The following ALG9 variants were observed in gnomAD, a reference collection of about 807,000 sequenced individuals.
The protein encoded by ALG9 is ALG9 alpha-1,2-mannosyltransferase.
A neutral mutation model predicts 81.8 loss-of-function variants in ALG9; 55 were observed. The observed-to-expected ratio is 0.67, with a 90% CI of 0.54 to 0.84. The LOEUF (loss-of-function observed/expected upper bound fraction) is 0.84, where lower values mean the gene tolerates loss of function less well. ALG9 is among the 40% of genes least tolerant of loss of function. ALG9 has a pLI of 0.00. For synonymous variants in ALG9, 278 were observed against 274.3 expected (o/e 1.01, Z -0.13); for missense variants, 629 against 745.0 (o/e 0.84, Z 1.81).
chr11:111,845,975 A>G (rs77035895), intron 8 of ALG9, among the ~76,000 whole-genome samples: 6,389 of 152,278 alleles, frequency 0.042, 427 homozygotes, highest in African/African-American at 0.14. Flanking sequence ...TCTCAATACA[A>G]TGATAGAGAA....
chr11:111,799,007 A>T (rs569824769), intron 14 of ALG9, among the ~76,000 whole-genome samples: 1 of 152,360 alleles, frequency 6.6e-6, no homozygotes, highest in South Asian at 2.1e-4. Context: ...GATGTTGCTT[A>T]TCTTGCAACA....
At chr11:111,813,912 T>C (rs1347999158) in intron 13 of ALG9, among the ~76,000 whole-genome samples, 4 of 152,240 alleles carry the variant, frequency 2.6e-5, no homozygotes, top group African/African-American at 9.6e-5. Context: ...CTACTAAAAT[T>C]GAACATATGT....
At chr11:111,861,270 TTCAC>T (rs1312727388) in intron 4 of ALG9, among the ~76,000 whole-genome samples, 4 of 152,354 alleles carry the variant, frequency 2.6e-5, no homozygotes, top group South Asian at 2.1e-4. Flanking sequence ...TTATTACTGC[TTCAC>T]TCAGTCAATG....
chr11:111,807,764 C>A (rs893428905), intron 14 of ALG9, among the ~76,000 whole-genome samples: 1 of 152,106 alleles, frequency 6.6e-6, no homozygotes, highest in Non-Finnish European at 1.5e-5. Context: ...GCACTCCAGA[C>A]TGGGAGAAAG....
chr11:111,839,709 A>G (rs1416162386), intron 10 of ALG9, among the ~76,000 whole-genome samples: 13 of 152,004 alleles, frequency 8.6e-5, no homozygotes, highest in African/African-American at 3.1e-4. Context: ...GGTTAATGTG[A>G]CTAATTTTTC....
chr11:111,772,862 C>G, the ALG9 span, among the ~76,000 whole-genome samples: 1 of 152,074 alleles, frequency 6.6e-6, no homozygotes, highest in Non-Finnish European at 1.5e-5. Context: ...TAAAATAGAG[C>G]TTTTACCTCT....
chr11:111,862,150 T>C (rs1226148518), intron 4 of ALG9, among the ~76,000 whole-genome samples: 2 of 152,186 alleles, frequency 1.3e-5, no homozygotes, highest in Non-Finnish European at 2.9e-5. Context: ...ACCCCGAATA[T>C]TGCCTCTCCG....
chr11:111,821,913 T>C (rs1392256866), intron 13 of ALG9, among the ~76,000 whole-genome samples: 2 of 152,052 alleles, frequency 1.3e-5, no homozygotes, highest in African/African-American at 4.8e-5. Context: ...GGATTACAGG[T>C]GTGAGCCACC....
intron 13 of ALG9, among the ~76,000 whole-genome samples, chr11:111,822,716 A>G (rs897957319): frequency 5.9e-5 from 9 of 151,854 alleles, no homozygotes; most frequent in African/African-American, 2.2e-4. Context: ...GTCTCAAAAA[A>G]CAAAATAAAC....
chr11:111,870,104 T>C, intron 2 of ALG9, 128 bp downstream of exon 2: 2 of 1,181,846 alleles, frequency 1.7e-6, no homozygotes, highest in Non-Finnish European at 2.2e-6. Context: ...GTTTTTTTGT[T>C]TTTTTTTTTA....
intron 10 of ALG9, among the ~76,000 whole-genome samples, chr11:111,840,209 C>T (rs1458568570): frequency 6.6e-6 from 1 of 152,144 alleles, no homozygotes; most frequent in Non-Finnish European, 1.5e-5. Context: ...GCCGTAAGTA[C>T]AGAGATATTC....
intron 5 of ALG9, among the ~76,000 whole-genome samples, chr11:111,858,163 T>C (rs1242874346): frequency 6.6e-6 from 1 of 152,074 alleles, no homozygotes; most frequent in African/African-American, 2.4e-5. Context: ...TCTCGAGCTC[T>C]TGACCTCGTG....
At chr11:111,864,291 TG>T in intron 4 of ALG9, 1 of 1,121,712 alleles carries the variant, frequency 8.9e-7, no homozygotes, top group Non-Finnish European at 1.4e-6. Context: ...ATGAAGAAAG[TG>T]GTTCAACAGC....
At chr11:111,832,907 C>T (rs1555114334) in intron 13 of ALG9, among the ~76,000 whole-genome samples, 1 of 152,118 alleles carries the variant, frequency 6.6e-6, no homozygotes, top group African/African-American at 2.4e-5. Flanking sequence ...TGATGCATGC[C>T]TGTAGTCCTA....
At chr11:111,817,877 A>G (rs1592026598) in intron 13 of ALG9, among the ~76,000 whole-genome samples, 1 of 151,296 alleles carries the variant, frequency 6.6e-6, no homozygotes, top group Non-Finnish European at 1.5e-5. Flanking sequence ...CGCAGGTTCA[A>G]GCGATTCTCC....
intron 13 of ALG9, among the ~76,000 whole-genome samples, chr11:111,827,016 C>T (rs1344545341): frequency 6.6e-6 from 1 of 152,084 alleles, no homozygotes; most frequent in Non-Finnish European, 1.5e-5. Context: ...CCTGATTGTT[C>T]TCTTTTAAAA....
At position 111,857,740 on chromosome 11, in the gene ALG9, G is replaced by A. The variant is rs781982087; in HGVS notation, c.566-3C>T. On this transcript the variant is annotated splice_polypyrimidine_tract_variant and splice_region_variant and intron_variant, in intron 5 of 14. Transcript: ENST00000616540. The stretch of plus-strand genomic sequence containing the variant: ...ACAGAAGCTACTAGGAAGGAATGCT[G>A]CAAGAGTAAAGAAGTGAAAAAAGGC... 2.5e-6 allele frequency: 4 copies of A among 1,613,906 alleles called. No individual in the cohort carries two copies. The East Asian group carries it at 8.9e-5, about 36-fold the overall frequency.
chr11:111,840,642 C>G lies in ALG9; in HGVS notation c.1173+13G>C. The G allele has an allele frequency of 6.2e-7, 1 of 1,613,894 alleles. No individual in the cohort carries two copies. The highest frequency in any genetic ancestry group is 1.1e-5 in the South Asian group (1 of 91,046). On this transcript the variant is annotated intron_variant, in intron 10 of 14. Transcript: ENST00000616540. ...AAAAGAATGAGGCAGATACACTTCT[C>G]CCTGAAACTCACCTGAAGTGCAGAG...
intron 13 of ALG9, among the ~76,000 whole-genome samples, chr11:111,815,311 G>A (rs150185006): frequency 1.3e-5 from 2 of 151,976 alleles, no homozygotes; most frequent in Non-Finnish European, 2.9e-5. Context: ...AGTCTGAGGC[G>A]GGAGGATCGC....
Sources: gnomAD v4.1 joint callset for allele counts (sites outside exome capture counted in the v4.1 genomes callset) on GRCh38, gnomAD v4.1.1 for gene constraint, MANE v1.5 for transcripts, NCBI Gene and HGNC (gene_info 2026-07-23, HGNC 2026-07-21) for gene names.